Variants in SENP5 observed in about 807,000 individuals in gnomAD.
SENP5 encodes sentrin-specific protease 5.
In SENP5, 21 loss-of-function variants were observed where a neutral mutation model predicts 74.2. The ratio of observed to expected loss-of-function variants is 0.28; its 90% CI spans 0.20 to 0.41. The LOEUF is 0.41. Ranked by LOEUF, SENP5 falls within the 10% of genes least tolerant of loss-of-function variation. SENP5 has a pLI of 1.00. For synonymous variants in SENP5, 311 were observed against 312.7 expected (o/e 0.99, Z 0.06); for missense variants, 717 against 889.1 (o/e 0.81, Z 2.46).
intron 6 of SENP5, among the ~76,000 whole-genome samples, chr3:196,912,186 T>G (rs1715162293): frequency 1.3e-5 from 2 of 152,188 alleles, no homozygotes; most frequent in African/African-American, 4.8e-5. Flanking sequence ...TGCCTATCAG[T>G]GATAGACTAC....
chr3:196,887,304 C>T (rs149331187), intron 2 of SENP5, among the ~76,000 whole-genome samples: 2,497 of 152,090 alleles, frequency 0.016, 35 homozygotes, highest in Middle Eastern at 0.027. Flanking sequence ...CTCAACCCCC[C>T]GAGTAGTTGG....
chr3:196,913,876 T>G (rs553026632), intron 6 of SENP5: 1 of 152,282 alleles, frequency 6.6e-6, no homozygotes, highest in South Asian at 2.1e-4. Context: ...CTCGAACTCC[T>G]GGCCTCAAGT....
chr3:196,900,509 C>A, intron 5 of SENP5, 97 bp downstream of exon 5: 3 of 1,025,882 alleles, frequency 2.9e-6, no homozygotes, highest in African/African-American at 1.7e-5. Context: ...ATCTGACATT[C>A]CTTAAATTTT....
chr3:196,896,642 A>G (rs1714454050), intron 2 of SENP5, among the ~76,000 whole-genome samples: 1 of 152,162 alleles, frequency 6.6e-6, no homozygotes, highest in Non-Finnish European at 1.5e-5. Context: ...TAGCATAGAC[A>G]GGGTTTCACC....
At position 196,886,150 on chromosome 3, in the gene SENP5, G is replaced by A. The variant is rs201387025; in HGVS notation, c.969G>A (p.Val323=). The part of the protein sequence containing the change: ...SAVVKGTNSH[V]PDCHTKGSSF... ...TGGTGAAGGGGACGAACTCTCATGT[G>A]CCTGATTGCCACACTAAAGGAAGCT... Residue 323 remains valine (V), a synonymous_variant, in exon 2 of 10, where the codon GTG becomes GTA. Coordinates refer to ENST00000323460, the MANE Select transcript of SENP5 (RefSeq NM_152699.5). 5.6e-6 allele frequency: 9 copies of A among 1,614,192 alleles called. No homozygotes were observed. The African/African-American group carries it at 1.1e-4, about 19-fold the overall frequency.
At chr3:196,887,511 GTT>G (rs113215771) in intron 2 of SENP5, among the ~76,000 whole-genome samples, 7 of 142,836 alleles carry the variant, frequency 4.9e-5, no homozygotes, top group Non-Finnish European at 3.1e-5. Context: ...GATTGTTTCT[GTT>G]TTTTTTTTTT....
intron 2 of SENP5, among the ~76,000 whole-genome samples, chr3:196,892,787 A>G (rs1235008342): frequency 6.6e-6 from 1 of 152,116 alleles, no homozygotes; most frequent in Non-Finnish European, 1.5e-5. Flanking sequence ...TAGATTCCAC[A>G]TGTAAGTGAG....
At chr3:196,915,811 C>G (rs902647498) in intron 6 of SENP5, among the ~76,000 whole-genome samples, 5 of 152,176 alleles carry the variant, frequency 3.3e-5, no homozygotes, top group African/African-American at 1.2e-4. Context: ...GTGAGACCTC[C>G]AGGAGCCTGC....
intron 6 of SENP5, among the ~76,000 whole-genome samples, chr3:196,922,649 C>G (rs1303300862): frequency 6.6e-6 from 1 of 152,142 alleles, no homozygotes; most frequent in African/African-American, 2.4e-5. Context: ...GAGACAAGGT[C>G]TGGCTCTGTC....
At chr3:196,899,246 A>G (rs78407651) in intron 2 of SENP5, among the ~76,000 whole-genome samples, 4,711 of 152,272 alleles carry the variant, frequency 0.031, 124 homozygotes, top group Non-Finnish European at 0.043. Context: ...TGATCTCATC[A>G]GTTAATGCTA....
At position 196,929,714 on chromosome 3, in the gene SENP5, A is replaced by G. The variant is rs371650689; in HGVS notation, c.2157+31A>G. On this transcript the variant is annotated intron_variant, in intron 9 of 9. Coordinates refer to ENST00000323460, the MANE Select transcript of SENP5 (RefSeq NM_152699.5). ...GAAACACTTGCTTTTCGGAACTTAC[A>G]ATGTGTGAATTGAGTCTGTTGGGTT... The G allele has an allele frequency of 5.4e-6, 8 of 1,487,960 alleles. No homozygotes were observed. The African/African-American group carries it at 5.5e-5, about 10-fold the overall frequency. 92.2% of individuals were successfully genotyped at this position (1,487,960 alleles called of 1,614,324 possible).
chr3:196,929,961 C>T (rs1715963195), intron 9 of SENP5, among the ~76,000 whole-genome samples: 1 of 148,314 alleles, frequency 6.7e-6, no homozygotes, highest in Non-Finnish European at 1.5e-5. Context: ...TTGAATTTGT[C>T]CATATCATAA....
intron 6 of SENP5, among the ~76,000 whole-genome samples, chr3:196,909,661 C>A (rs550809580): frequency 2.6e-5 from 4 of 152,140 alleles, no homozygotes; most frequent in African/African-American, 9.7e-5. Flanking sequence ...TGACGAAAAC[C>A]ACATGATTAT....
chr3:196,921,812 C>T (rs796274220), intron 6 of SENP5, among the ~76,000 whole-genome samples: 33 of 152,160 alleles, frequency 2.2e-4, no homozygotes, highest in African/African-American at 6.7e-4. Context: ...TATCAGAAAG[C>T]GAGAAGGAAA....
intron 8 of SENP5, 100 bp from the exon 9 acceptor site, chr3:196,929,533 A>G: frequency 1.4e-6 from 1 of 701,430 alleles, no homozygotes; most frequent in Non-Finnish European, 2.5e-6. Flanking sequence ...GGAGAGAGAA[A>G]AGTTTCCTAT....
chr3:196,885,086 A>G, intron 1 of SENP5, 65 bp from the exon 2 acceptor site: 1 of 902,452 alleles, frequency 1.1e-6, no homozygotes, highest in Non-Finnish European at 1.7e-6. Context: ...TGCCTTAGTT[A>G]CTGTGAATAT....
chr3:196,894,742 T>A (rs897431173), intron 2 of SENP5, among the ~76,000 whole-genome samples: 1 of 152,176 alleles, frequency 6.6e-6, no homozygotes, highest in Non-Finnish European at 1.5e-5. Context: ...GACCTGGCGC[T>A]CCTTATTCAC....
At chr3:196,881,430 A>G (rs868846884) in intron 1 of SENP5, among the ~76,000 whole-genome samples, 3 of 152,164 alleles carry the variant, frequency 2.0e-5, no homozygotes, top group Admixed American at 6.5e-5. Context: ...GATTGGATCA[A>G]TTTGTAGTCC....
Position 196,910,335 on chromosome 3 carries a change from C to CTTT in SENP5, c.1884+6752_1884+6754dup, listed in dbSNP as rs869108574. 2.8e-3 allele frequency among the ~76,000 whole-genome samples: 142 copies of CTTT among 51,372 alleles called. 21 individuals carry two copies. Among genetic ancestry groups the CTTT allele is most frequent in the South Asian group, 0.01 (9 of 858 alleles). 33.7% of individuals were successfully genotyped at this position (51,372 alleles called of 152,430 possible). On this transcript the variant is annotated intron_variant, in intron 6 of 9. Coordinates refer to ENST00000323460, the MANE Select transcript of SENP5 (RefSeq NM_152699.5). ...AAATGGCCATACTGCCCAAAGTAATCTTTTTTTTTTTTTTTTTTTTTTTTT... is the reference window on the plus strand; with the variant it reads ...AAATGGCCATACTGCCCAAAGTAATCTTTTTTTTTTTTTTTTTTTTTTTTTTTT...
Sources: allele counts gnomAD v4.1 joint callset (sites outside exome capture counted in the v4.1 genomes callset), GRCh38; gene constraint gnomAD v4.1.1; transcripts MANE v1.5; gene names NCBI Gene and HGNC (gene_info 2026-07-23, HGNC 2026-07-21).